RBMS1: variants seen among roughly 807,000 people sequenced by gnomAD.
The protein encoded by RBMS1 is RNA binding motif single stranded interacting protein 1, also known as RNA-binding motif, single-stranded-interacting protein 1.
RBMS1 carries 17 observed loss-of-function variants against 62.3 expected under a neutral mutation model. The ratio of observed to expected loss-of-function variants is 0.27; its 90% CI spans 0.19 to 0.41. The LOEUF is 0.41. Ranked by LOEUF, RBMS1 falls within the 10% of genes least tolerant of loss-of-function variation. The pLI is 1.00. For synonymous variants in RBMS1, 172 were observed against 170.0 expected (o/e 1.01, Z -0.09); for missense variants, 334 against 504.5 (o/e 0.66, Z 3.24).
chr2:160,289,100 C>T (rs562408458), intron 6 of RBMS1, among the ~76,000 whole-genome samples: 6 of 151,796 alleles, frequency 4.0e-5, no homozygotes, highest in South Asian at 2.1e-4. Flanking sequence ...ATCTAGACTC[C>T]AGCCTGTCAA....
chr2:160,355,548 C>A (rs1415398179), intron 2 of RBMS1, among the ~76,000 whole-genome samples: 2 of 152,072 alleles, frequency 1.3e-5, no homozygotes, highest in Non-Finnish European at 2.9e-5. Context: ...TCCCTCTGGC[C>A]CACATTCTAT....
intron 2 of RBMS1, among the ~76,000 whole-genome samples, chr2:160,344,992 G>A (rs1003880446): frequency 6.6e-6 from 1 of 152,006 alleles, no homozygotes; most frequent in African/African-American, 2.4e-5. Flanking sequence ...TACATGATAG[G>A]ATACATACCT....
intron 1 of RBMS1, among the ~76,000 whole-genome samples, chr2:160,461,469 AT>A (rs1574088713): frequency 2.0e-5 from 3 of 152,304 alleles, no homozygotes; most frequent in East Asian, 3.9e-4. Context: ...AGGGACAGGA[AT>A]GACTTCCTGT....
At chr2:160,434,286 C>T (rs1683026076) in intron 1 of RBMS1, among the ~76,000 whole-genome samples, 1 of 152,162 alleles carries the variant, frequency 6.6e-6, no homozygotes, top group Non-Finnish European at 1.5e-5. Context: ...ACCTCTACAA[C>T]TACTGCTTTG....
At chr2:160,411,046 C>T (rs1211787369) in intron 1 of RBMS1, among the ~76,000 whole-genome samples, 1 of 152,126 alleles carries the variant, frequency 6.6e-6, no homozygotes, top group African/African-American at 2.4e-5. Flanking sequence ...CTCACCAATG[C>T]TCATCCTCTT....
chr2:160,442,931 C>T (rs928284727), intron 1 of RBMS1, among the ~76,000 whole-genome samples: 3 of 152,120 alleles, frequency 2.0e-5, no homozygotes, highest in Non-Finnish European at 4.4e-5. Flanking sequence ...TGAGGCTGGG[C>T]GCGGTGGCTC....
chr2:160,335,836 C>T (rs1691537758), intron 2 of RBMS1, among the ~76,000 whole-genome samples: 1 of 152,182 alleles, frequency 6.6e-6, no homozygotes, highest in Non-Finnish European at 1.5e-5. Flanking sequence ...GTATTCTGTG[C>T]ATTTTTAATT....
At chr2:160,368,715 C>T (rs940156377) in intron 1 of RBMS1, among the ~76,000 whole-genome samples, 2 of 152,106 alleles carry the variant, frequency 1.3e-5, no homozygotes, top group African/African-American at 4.8e-5. Flanking sequence ...CTCGGCTCAC[C>T]GGAACCCTCC....
chr2:160,491,215 G>C (rs921401743), intron 1 of RBMS1, among the ~76,000 whole-genome samples: 5 of 152,040 alleles, frequency 3.3e-5, no homozygotes, highest in Non-Finnish European at 5.9e-5. Context: ...CAAGATACTT[G>C]TACAACAGGG....
intron 1 of RBMS1, chr2:160,407,447 C>G: frequency 1.0e-6 from 1 of 986,208 alleles, no homozygotes; most frequent in Non-Finnish European, 1.2e-6. Context: ...GGCGCGGCAT[C>G]CCGGCCGCCG....
intron 1 of RBMS1, among the ~76,000 whole-genome samples, chr2:160,395,620 T>C (rs1315116064): frequency 1.7e-5 from 2 of 120,952 alleles, no homozygotes; most frequent in Non-Finnish European, 3.2e-5. Flanking sequence ...CGAGACTCCG[T>C]CTCAAAAAAA....
Position 160,439,421 on chromosome 2 carries a change from G to A in RBMS1, c.75+53868C>T, listed in dbSNP as rs374757745. ...ACGCCCCTCACATCCCGGACGGGGC[G>A]GCAGGGCAGAGGTGCTCCCCACATC... On this transcript the variant is annotated intron_variant, in intron 1 of 13. Coordinates refer to ENST00000348849, the MANE Select transcript of RBMS1 (RefSeq NM_016836.4). Among the ~76,000 whole-genome samples the A allele has an allele frequency of 2.4e-4, 37 of 152,044 alleles. No homozygotes were observed. The South Asian group carries it at 6.4e-3, about 26-fold the overall frequency.
chr2:160,282,163 A>G lies in RBMS1; in HGVS notation c.901-799T>C. 4 of 1,151,620 alleles carry G rather than the reference A, an allele frequency of 3.5e-6. No individual in the cohort carries two copies. The South Asian group carries it at 4.8e-5, about 14-fold the overall frequency. 71.3% of individuals were successfully genotyped at this position (1,151,620 alleles called of 1,614,324 possible). A position where few individuals can be genotyped will look rare whatever the true frequency, so the allele number is the denominator to read the frequency against. On this transcript the variant is annotated intron_variant, in intron 9 of 13. Coordinates refer to ENST00000348849, the MANE Select transcript of RBMS1 (RefSeq NM_016836.4). ...TCAGTTTCCAATTCTTAACAACAAA[A>G]CCCTCCTGCATTTTATCCCCTATTG... is the stretch of plus-strand genomic sequence containing the variant.
At chr2:160,438,491 T>A (rs1289827694) in intron 1 of RBMS1, among the ~76,000 whole-genome samples, 1 of 151,992 alleles carries the variant, frequency 6.6e-6, no homozygotes, top group African/African-American at 2.4e-5. Context: ...CAAGCATCTG[T>A]TTAACAAAGC....
chr2:160,407,755 G>C, intron 1 of RBMS1: 2 of 981,202 alleles, frequency 2.0e-6, no homozygotes, highest in Non-Finnish European at 2.4e-6. Flanking sequence ...GCGGCAGCGG[G>C]CGAGACTCGA....
At chr2:160,341,535 G>C (rs758522141) in intron 2 of RBMS1, among the ~76,000 whole-genome samples, 1 of 152,100 alleles carries the variant, frequency 6.6e-6, no homozygotes, top group African/African-American at 2.4e-5. Context: ...TTCACTGTGA[G>C]GAGGGGAGAA....
Position 160,313,266 on chromosome 2 carries a change from C to A in RBMS1, c.311-19G>T. The A allele has an allele frequency of 1.2e-6, 2 of 1,609,326 alleles. No individual in the cohort carries two copies. The highest frequency in any genetic ancestry group is 1.7e-6 in the Non-Finnish European group (2 of 1,176,476). ...CCATAACCTGAAATGCAAAAACACA[C>A]TTAGTATTTAAGCCATTATTCTGTG... is the stretch of plus-strand genomic sequence containing the variant. On this transcript the variant is annotated intron_variant, in intron 3 of 13. Coordinates refer to ENST00000348849, the MANE Select transcript of RBMS1 (RefSeq NM_016836.4).
intron 1 of RBMS1, among the ~76,000 whole-genome samples, chr2:160,464,521 A>C (rs1684606388): frequency 6.6e-6 from 1 of 152,226 alleles, no homozygotes; most frequent in Non-Finnish European, 1.5e-5. Context: ...CTGAGGAAGA[A>C]AGGCAGGCAA....
intron 1 of RBMS1, among the ~76,000 whole-genome samples, chr2:160,384,688 T>C (rs1447418296): frequency 3.9e-5 from 6 of 152,248 alleles, no homozygotes; most frequent in Non-Finnish European, 8.8e-5. Flanking sequence ...ATCTATTCCA[T>C]ACTAGCTCGC....
Sources: allele counts gnomAD v4.1 joint callset (sites outside exome capture counted in the v4.1 genomes callset), GRCh38; gene constraint gnomAD v4.1.1; transcripts MANE v1.5; gene names NCBI Gene and HGNC (gene_info 2026-07-23, HGNC 2026-07-21).